DTNB: variants seen among roughly 807,000 people sequenced by gnomAD.
DTNB encodes DTN-B.
In DTNB, 63 loss-of-function variants were observed where a neutral mutation model predicts 90.7. The observed-to-expected ratio is 0.69, with a 90% CI of 0.57 to 0.86. The LOEUF (loss-of-function observed/expected upper bound fraction) is 0.86. Among genes scored for constraint, DTNB ranks in the 40% least tolerant of loss-of-function variants. DTNB has a pLI of 0.00. For synonymous variants in DTNB, 277 were observed against 286.7 expected (o/e 0.97, Z 0.34); for missense variants, 744 against 807.1 (o/e 0.92, Z 0.95).
intron 8 of DTNB, among the ~76,000 whole-genome samples, chr2:25,544,419 C>T (rs2082007927): frequency 6.6e-6 from 1 of 152,166 alleles, no homozygotes; most frequent in African/African-American, 2.4e-5. Context: ...GCTGACAGGC[C>T]CTGACATTGG....
intron 8 of DTNB, among the ~76,000 whole-genome samples, chr2:25,552,428 A>G (rs1463945689): frequency 1.3e-5 from 2 of 152,158 alleles, no homozygotes; most frequent in African/African-American, 4.8e-5. Context: ...TATATACTCT[A>G]CACCTGCCTG....
chr2:25,629,015 A>G (rs996995833), intron 3 of DTNB, among the ~76,000 whole-genome samples: 3 of 152,188 alleles, frequency 2.0e-5, no homozygotes, highest in Admixed American at 6.5e-5. Flanking sequence ...CTCTTCTTGA[A>G]AACGACAAAA....
chr2:25,396,322 C>A (rs1008331483), intron 16 of DTNB, among the ~76,000 whole-genome samples: 3 of 152,104 alleles, frequency 2.0e-5, no homozygotes, highest in African/African-American at 7.2e-5. Flanking sequence ...ACCAGCCTGG[C>A]CAACATGGTG....
At chr2:25,432,130 T>C (rs761766038) in intron 14 of DTNB, among the ~76,000 whole-genome samples, 30 of 151,988 alleles carry the variant, frequency 2.0e-4, no homozygotes, top group Non-Finnish European at 4.0e-4. Flanking sequence ...AAGAATCCAC[T>C]ATTTGAAAAT....
Position 25,387,451 on chromosome 2 carries a change from C to T in DTNB, c.1736-73G>A. 1 of 1,407,858 alleles carries T rather than the reference C, an allele frequency of 7.1e-7. No individual in the cohort carries two copies. 87.2% of individuals were successfully genotyped at this position (1,407,858 alleles called of 1,614,324 possible). On this transcript the variant is annotated intron_variant, in intron 17 of 20. Transcript: ENST00000406818. This position sits in a 1 kb window ranked among gnomAD's most constrained non-coding sequence, Gnocchi z 4.5. Reference sequence around the variant, plus strand: ...AGAAGAGACGGCTGAGCAAATGCCTCAGTTCTGCCAGGCCCGAGAACACAG... The same window carrying T: ...AGAAGAGACGGCTGAGCAAATGCCTTAGTTCTGCCAGGCCCGAGAACACAG...
chr2:25,573,514 C>T (rs2060194453), intron 8 of DTNB, among the ~76,000 whole-genome samples: 1 of 152,164 alleles, frequency 6.6e-6, no homozygotes, highest in Non-Finnish European at 1.5e-5. Flanking sequence ...TTCACTGCCC[C>T]AAGAGTCAGA....
intron 16 of DTNB, among the ~76,000 whole-genome samples, chr2:25,395,543 CATAA>C (rs1294238171): frequency 6.7e-6 from 1 of 148,482 alleles, no homozygotes; most frequent in Non-Finnish European, 1.5e-5. Context: ...ACAATATATA[CATAA>C]ATATAAATAT....
intron 7 of DTNB, among the ~76,000 whole-genome samples, chr2:25,578,882 T>C (rs980899706): frequency 2.0e-5 from 3 of 152,064 alleles, no homozygotes; most frequent in African/African-American, 7.2e-5. Flanking sequence ...AAAAAAACCA[T>C]AAATACCATA....
chr2:25,559,784 A>C (rs2057970786), intron 8 of DTNB, among the ~76,000 whole-genome samples: 1 of 152,242 alleles, frequency 6.6e-6, no homozygotes. Context: ...CCCAAAATGC[A>C]ATCAAATGTA....
At chr2:25,536,222 G>A (rs2079706029) in intron 8 of DTNB, among the ~76,000 whole-genome samples, 1 of 151,776 alleles carries the variant, frequency 6.6e-6, no homozygotes, top group Admixed American at 6.6e-5. Context: ...CTCCCAGACG[G>A]GGCGGCCGGG....
intron 3 of DTNB, among the ~76,000 whole-genome samples, chr2:25,634,263 CCGCCCCG>C (rs2076567831): frequency 7.6e-6 from 1 of 131,980 alleles, no homozygotes; most frequent in African/African-American, 2.7e-5. Context: ...GCCCGGCCAG[CCGCCCCG>C]TCCGGGAGGG....
At chr2:25,446,391 C>T (rs889781234) in intron 12 of DTNB, among the ~76,000 whole-genome samples, 8 of 151,918 alleles carry the variant, frequency 5.3e-5, no homozygotes, top group African/African-American at 1.9e-4. Context: ...CACATGCCAC[C>T]ACACCTGGCT....
intron 9 of DTNB, among the ~76,000 whole-genome samples, chr2:25,502,528 G>A (rs952410697): frequency 2.0e-5 from 3 of 151,906 alleles, no homozygotes; most frequent in Non-Finnish European, 4.4e-5. Context: ...GATCACTTGA[G>A]CCCAGGAGGT....
At chr2:25,415,727 T>C (rs2047749967) in intron 16 of DTNB, among the ~76,000 whole-genome samples, 1 of 152,042 alleles carries the variant, frequency 6.6e-6, no homozygotes, top group African/African-American at 2.4e-5. Flanking sequence ...ATAAAGACCC[T>C]AACTGAGGGG....
rs544701050 is a variant in DTNB at position 25,458,423 on chromosome 2, A to G, written c.1080-2929T>C. Among the ~76,000 whole-genome samples, 338 of 151,792 alleles carry G rather than the reference A, an allele frequency of 2.2e-3. 1 individual carries two copies. Among genetic ancestry groups the G allele is most frequent in the Non-Finnish European group, 4.1e-3 (280 of 67,872 alleles). On this transcript the variant is annotated intron_variant, in intron 10 of 20. Transcript: ENST00000406818. Reference sequence around the variant, plus strand: ...AGAAATCAACAGTTAAAAAAAAAAAAAGAGAGAGAGAAATCAACAGTTGTT... The same window carrying G: ...AGAAATCAACAGTTAAAAAAAAAAAGAGAGAGAGAGAAATCAACAGTTGTT...
chr2:25,654,343 T>C (rs936117538), intron 1 of DTNB, among the ~76,000 whole-genome samples: 4 of 152,112 alleles, frequency 2.6e-5, no homozygotes, highest in Non-Finnish European at 5.9e-5. Context: ...CTACAGTCAG[T>C]TTTGGTTGTC....
At chr2:25,481,327 C>A (rs952962452) in intron 10 of DTNB, among the ~76,000 whole-genome samples, 10 of 151,680 alleles carry the variant, frequency 6.6e-5, no homozygotes, top group African/African-American at 2.4e-4. Context: ...ATCGCTTGAA[C>A]CTGGGAGGTG....
chr2:25,634,281 A>AC (rs1437841268), intron 3 of DTNB, among the ~76,000 whole-genome samples: 6 of 104,754 alleles, frequency 5.7e-5, no homozygotes, highest in Non-Finnish European at 9.8e-5. Flanking sequence ...TCCGGGAGGG[A>AC]GGTGGGGGGG....
In DTNB at chr2:25,433,112, T is replaced by C. The variant is rs1427184135; in HGVS notation, c.1344-113A>G. On this transcript the variant is annotated intron_variant, in intron 13 of 20. Coordinates refer to ENST00000406818, the MANE Select transcript of DTNB (RefSeq NM_021907.5). ...AGTGCCTCCTCTACCAATCTTGTTT[T>C]GATTGCTTCCAAATGGCCAAGAGGT... 7 of 1,065,992 alleles carry C rather than the reference T, an allele frequency of 6.6e-6. No homozygotes were observed. The East Asian group carries it at 1.9e-4, about 28-fold the overall frequency. The allele number at this position is 1,065,992 out of a possible 1,614,324, so 66.0% of individuals were successfully genotyped here.
Sources: gnomAD v4.1 joint callset for allele counts (sites outside exome capture counted in the v4.1 genomes callset) on GRCh38, gnomAD v4.1.1 for gene constraint, Gnocchi (gnomAD v3.1) non-coding constraint, MANE v1.5 for transcripts, NCBI Gene and HGNC (gene_info 2026-07-23, HGNC 2026-07-21) for gene names.